The following KIR2DL1 variants were observed in gnomAD, a reference collection of about 807,000 sequenced individuals.
KIR2DL1 encodes killer cell immunoglobulin like receptor, two Ig domains and long cytoplasmic tail 1, also known as killer cell immunoglobulin-like receptor 2DL1.
KIR2DL1 carries 38 observed loss-of-function variants against 33.9 expected under a neutral mutation model. The observed-to-expected ratio is 1.12, with a 90% CI of 0.86 to 1.47. The LOEUF (loss-of-function observed/expected upper bound fraction) is 1.47, where lower values mean the gene tolerates loss of function less well. Ranked by LOEUF, KIR2DL1 falls within the 40% of genes most tolerant of loss-of-function variation. KIR2DL1 has a pLI of 0.00. For synonymous variants in KIR2DL1, 179 were observed against 165.9 expected (o/e 1.08, Z -0.61); for missense variants, 531 against 433.9 (o/e 1.22, Z -1.99).
At position 54,783,013 on chromosome 19, in the gene KIR2DL1, C is replaced by T. The variant is rs1177878982; in HGVS notation, c.807C>T (p.Ser269=). 1 of 1,612,596 alleles carries T rather than the reference C, an allele frequency of 6.2e-7. No homozygotes were observed. Among genetic ancestry groups the T allele is most frequent in the African/African-American group, 1.3e-5 (1 of 74,786 alleles). ...LLFFLLHRWC[S]NKKNAAVMDQ... is the part of the protein sequence containing the mutation. ...TCTTTCTCCTTCATCGCTGGTGCTC[C>T]AACAAAAAAAGTAAGTCTCACGAAG... The change falls in exon 6 of 8, where the codon TCC becomes TCT. Residue 269 remains serine (S), a synonymous_variant. Transcript: ENST00000336077.
In KIR2DL1 at chr19:54,776,463, A is replaced by G. The variant is rs2076354377; in HGVS notation, c.664+1005A>G. 2.7e-5 allele frequency among the ~76,000 whole-genome samples: 4 copies of G among 146,288 alleles called. No homozygotes were observed. In the South Asian group the frequency reaches 8.6e-4, roughly 31 times the overall value. On this transcript the variant is annotated intron_variant, in intron 4 of 7. Coordinates refer to ENST00000336077, the MANE Select transcript of KIR2DL1 (RefSeq NM_014218.3). ...AGTCTCCACTGTGCGTATGTACTAC[A>G]TTCTCTCTATCCATTCACCCACTGA...
chr19:54,783,402 T>A, intron 6 of KIR2DL1, 84 bp from the exon 7 acceptor site: 2 of 1,492,830 alleles, frequency 1.3e-6, no homozygotes, highest in African/African-American at 1.4e-5. Context: ...ACCTATGGTC[T>A]CCCCCTGTAT....
Position 54,773,407 on chromosome 19 carries a change from T to A in KIR2DL1, c.145T>A (p.Cys49Ser), listed in dbSNP as rs1158124737. ...ATCAGAAGAGACAGTCATCCTGCAG[T>A]GTTGGTCAGATGTCATGTTTGAACA... ...VKSEETVILQ[C>S]WSDVMFEHFL... The change falls in exon 3 of 8, where the codon TGT (cysteine) becomes AGT (serine). Residue 49 changes from cysteine to serine, a missense_variant. By Grantham distance (112) the Cys-to-Ser change is moderately radical. Coordinates refer to ENST00000336077, the MANE Select transcript of KIR2DL1 (RefSeq NM_014218.3). 1 of 1,592,654 alleles carries A rather than the reference T, an allele frequency of 6.3e-7. No homozygotes were observed. The highest frequency in any genetic ancestry group is 1.7e-5 in the Admixed American group (1 of 58,876).
chr19:54,779,388 A>G (rs368645621), intron 5 of KIR2DL1, among the ~76,000 whole-genome samples: 719 of 122,034 alleles, frequency 5.9e-3, no homozygotes, highest in African/African-American at 0.012. Flanking sequence ...CCAGCTTCTA[A>G]AGGCTCCCAG....
rs1158235894 is a variant in KIR2DL1, at chr19:54,784,098, C to G, written c.*285C>G. The G allele has an allele frequency of 1.5e-4, 88 of 568,408 alleles. No homozygotes were observed. The East Asian group carries it at 2.6e-3, about 17-fold the overall frequency. The allele number at this position is 568,408 out of a possible 1,614,324, so 35.2% of individuals were successfully genotyped here. On this transcript the variant is annotated 3_prime_UTR_variant, in exon 8 of 8. Transcript: ENST00000336077. Reference sequence around the variant, plus strand: ...CTCTCCAACCTAACTGGCTTACTTCCTAGTCTACTTGAGGCTGCAATCACA... The same window carrying G: ...CTCTCCAACCTAACTGGCTTACTTCGTAGTCTACTTGAGGCTGCAATCACA...
In KIR2DL1 at chr19:54,773,529, C is replaced by T; in HGVS notation, c.267C>T (p.Arg89=). ...CCAAGGCCAACTTCTCCATCAGTCG[C>T]ATGACGCAAGACCTGGCAGGGACCT... is the stretch of plus-strand genomic sequence containing the variant. ...GVSKANFSIS[R]MTQDLAGTYR... is the part of the protein sequence containing the mutation. The change falls in exon 3 of 8, where the codon CGC becomes CGT. Residue 89 remains arginine (R), a synonymous_variant. Coordinates refer to ENST00000336077, the MANE Select transcript of KIR2DL1 (RefSeq NM_014218.3). The T allele has an allele frequency of 6.3e-7, 1 of 1,583,946 alleles. No individual in the cohort carries two copies. Among genetic ancestry groups the T allele is most frequent in the Non-Finnish European group, 8.7e-7 (1 of 1,155,816 alleles).
At chr19:54,779,131 G>A (rs200489045) in intron 5 of KIR2DL1, among the ~76,000 whole-genome samples, 7,856 of 120,808 alleles carry the variant, frequency 0.065, 6 homozygotes, top group South Asian at 0.13. Context: ...GCTCATGCAC[G>A]CACACTTCGA....
chr19:54,774,500 A>G (rs1244725624), intron 3 of KIR2DL1, among the ~76,000 whole-genome samples: 2 of 148,500 alleles, frequency 1.3e-5, no homozygotes, highest in African/African-American at 2.5e-5. Flanking sequence ...AGAGCAAGAC[A>G]GATGATAGAT....
At chr19:54,770,906 C>T (rs200455789) in intron 2 of KIR2DL1, 22 bp downstream of exon 2, 18,612 of 1,576,786 alleles carry the variant, frequency 0.012, 1,771 homozygotes, top group Non-Finnish European at 0.014. Flanking sequence ...TCCCAACCTT[C>T]GGGTGTCATC....
Position 54,783,679 on chromosome 19 carries a change from T to A in KIR2DL1, c.913T>A (p.Leu305Met). ...QDPQEVTYTQLNHCVFTQRKI... is the reference protein window; with the variant it reads ...QDPQEVTYTQMNHCVFTQRKI... ...CCCTCAGGAGGTGACATACACACAG[T>A]TGAATCACTGCGTTTTCACACAGAG... The change falls in exon 8 of 8, where the codon TTG becomes ATG. Residue 305 changes from leucine to methionine, a missense_variant. By Grantham distance (15) the Leu-to-Met change is conservative. Coordinates refer to ENST00000336077, the MANE Select transcript of KIR2DL1 (RefSeq NM_014218.3). The A allele has an allele frequency of 6.2e-7, 1 of 1,613,990 alleles. No homozygotes were observed. Among genetic ancestry groups the A allele is most frequent in the Non-Finnish European group, 8.5e-7 (1 of 1,179,964 alleles).
intron 6 of KIR2DL1, 123 bp from the exon 7 acceptor site, chr19:54,783,363 C>T: frequency 9.7e-7 from 1 of 1,028,344 alleles, no homozygotes; most frequent in South Asian, 1.4e-5. Context: ...ATGTCTGAGT[C>T]TGCTGTTGGC....
At chr19:54,778,246 A>G (rs1194507660) in intron 4 of KIR2DL1, among the ~76,000 whole-genome samples, 8 of 149,204 alleles carry the variant, frequency 5.4e-5, no homozygotes, top group East Asian at 1.9e-4. Context: ...GTGACAGAGC[A>G]AGACTCCATC....
intron 1 of KIR2DL1, 73 bp downstream of exon 1, chr19:54,769,957 C>G: frequency 6.5e-7 from 1 of 1,536,040 alleles, no homozygotes; most frequent in Non-Finnish European, 8.9e-7. Flanking sequence ...AGATATAGGC[C>G]TGGAGGTGGA....
Position 54,776,243 on chromosome 19 carries a change from A to ACG in KIR2DL1, c.664+785_664+786insCG, listed in dbSNP as rs2076323361. On this transcript the variant is annotated intron_variant, in intron 4 of 7. Transcript: ENST00000336077. ...AGTGGTCATAAATACATTTTTATAT[A>ACG]TATATATATATACATTTTTTTTACC... 5.4e-5 allele frequency among the ~76,000 whole-genome samples: 8 copies of ACG among 147,230 alleles called. No individual in the cohort carries two copies. The South Asian group carries it at 1.7e-3, about 32-fold the overall frequency.
chr19:54,782,132 G>A (rs1488855488), intron 5 of KIR2DL1, among the ~76,000 whole-genome samples: 218 of 150,346 alleles, frequency 1.4e-3, no homozygotes, highest in African/African-American at 4.7e-3. Flanking sequence ...TTGCAGTGTA[G>A]CTGCGGGAAG....
At position 54,781,420 on chromosome 19, in the gene KIR2DL1, G is replaced by T. The variant is rs1556290630; in HGVS notation, c.716-1502G>T. Among the ~76,000 whole-genome samples the T allele has an allele frequency of 7.0e-3, 879 of 125,784 alleles. 2 individuals are homozygous for T. The highest frequency in any genetic ancestry group is 0.013 in the South Asian group (47 of 3,568). The allele number at this position is 125,784 out of a possible 152,430, so 82.5% of individuals were successfully genotyped here. On this transcript the variant is annotated intron_variant, in intron 5 of 7. Coordinates refer to ENST00000336077, the MANE Select transcript of KIR2DL1 (RefSeq NM_014218.3). ...ATCCTGGAATAGAGAAAGTGCTCTGGTCATCACAAAAAAAACTTGCCCACT... is the reference window on the plus strand; with the variant it reads ...ATCCTGGAATAGAGAAAGTGCTCTGTTCATCACAAAAAAAACTTGCCCACT...
chr19:54,772,665 C>T (rs1266774693), intron 2 of KIR2DL1, among the ~76,000 whole-genome samples: 2 of 144,666 alleles, frequency 1.4e-5, no homozygotes, highest in African/African-American at 5.1e-5. Context: ...TAGACCACAC[C>T]ACTTCACTCC....
Position 54,783,887 on chromosome 19 carries a change from C to A in KIR2DL1, c.*74C>A, listed in dbSNP as rs2077372649. The A allele has an allele frequency of 2.5e-6, 4 of 1,589,998 alleles. No individual in the cohort carries two copies. The highest frequency in any genetic ancestry group is 1.3e-5 in the African/African-American group (1 of 74,464). On this transcript the variant is annotated 3_prime_UTR_variant, in exon 8 of 8. Transcript: ENST00000336077. Reference sequence around the variant, plus strand: ...GTCTCAAAACCGGGTTGCCAGCTCCCATGTACCAGCAGCTGGAATCTGAAG... The same window carrying A: ...GTCTCAAAACCGGGTTGCCAGCTCCAATGTACCAGCAGCTGGAATCTGAAG...
rs183676959 is a variant in KIR2DL1 at position 54,773,682 on chromosome 19, T to C, written c.370+50T>C. 69 of 1,516,164 alleles carry C rather than the reference T, an allele frequency of 4.6e-5. 3 individuals are homozygous for C. In the Middle Eastern group the frequency reaches 1.7e-3, roughly 37 times the overall value. 93.9% of individuals were successfully genotyped at this position (1,516,164 alleles called of 1,614,324 possible). A position where few individuals can be genotyped will look rare whatever the true frequency, so the allele number is the denominator to read the frequency against. On this transcript the variant is annotated intron_variant, in intron 3 of 7. Coordinates refer to ENST00000336077, the MANE Select transcript of KIR2DL1 (RefSeq NM_014218.3). ...CATTGTCATTGGGATGCAGAGTGAA[T>C]GATCCAGGAATTGGAGACCCAGGTG...
Sources: allele counts gnomAD v4.1 joint callset (sites outside exome capture counted in the v4.1 genomes callset), GRCh38; gene constraint gnomAD v4.1.1; transcripts MANE v1.5; gene names NCBI Gene and HGNC (gene_info 2026-07-23, HGNC 2026-07-21).